Variants in FRMD4B observed in about 807,000 individuals in gnomAD.
FRMD4B encodes FERM domain containing 4B, also known as FERM domain-containing protein 4B.
In FRMD4B, 74 loss-of-function variants were observed where a neutral mutation model predicts 141.5. That is an observed-to-expected ratio of 0.52 (90% confidence interval 0.43 to 0.63). The LOEUF (loss-of-function observed/expected upper bound fraction) is 0.63. Among genes scored for constraint, FRMD4B ranks in the 30% least tolerant of loss-of-function variants. The pLI is 0.00. For missense variants in FRMD4B, 1,366 were observed against 1,253.4 expected (o/e 1.09, Z -1.36); for synonymous variants, 506 against 467.9 (o/e 1.08, Z -1.05).
intron 7 of FRMD4B, among the ~76,000 whole-genome samples, chr3:69,225,740 C>CCCA: frequency 8.4e-6 from 1 of 119,102 alleles, no homozygotes; most frequent in Non-Finnish European, 1.7e-5. Flanking sequence ...AGGGAGAACA[C>CCCA]GTAATACTAC....
intron 1 of FRMD4B, among the ~76,000 whole-genome samples, chr3:69,481,759 T>C (rs981874605): frequency 6.6e-6 from 1 of 152,142 alleles, no homozygotes; most frequent in Non-Finnish European, 1.5e-5. Flanking sequence ...GGGCCCCACA[T>C]TCAAGAATCT....
At chr3:69,477,216 C>T in intron 1 of FRMD4B, among the ~76,000 whole-genome samples, 1 of 152,026 alleles carries the variant, frequency 6.6e-6, no homozygotes, top group Non-Finnish European at 1.5e-5. Context: ...TGCCTGATTT[C>T]TCTGGCCAGA....
At chr3:69,229,292 C>T (rs2093284007) in intron 7 of FRMD4B, among the ~76,000 whole-genome samples, 1 of 152,084 alleles carries the variant, frequency 6.6e-6, no homozygotes, top group Non-Finnish European at 1.5e-5. Flanking sequence ...TCCCAAAGTG[C>T]TAGGATTACA....
At chr3:69,297,950 G>A (rs558557546) in intron 4 of FRMD4B, among the ~76,000 whole-genome samples, 21 of 152,284 alleles carry the variant, frequency 1.4e-4, no homozygotes, top group African/African-American at 5.1e-4. Flanking sequence ...TAATCTTGAA[G>A]TCATAAAGGG....
chr3:69,307,819 A>T (rs1049106473), intron 3 of FRMD4B, among the ~76,000 whole-genome samples: 1 of 152,100 alleles, frequency 6.6e-6, no homozygotes, highest in South Asian at 2.1e-4. Context: ...TGCAAGTCAA[A>T]GCCGCATTCC....
chr3:69,405,834 A>G (rs552907392), intron 2 of FRMD4B, among the ~76,000 whole-genome samples: 2 of 152,310 alleles, frequency 1.3e-5, no homozygotes, highest in South Asian at 4.1e-4. Flanking sequence ...TGAAATTTAA[A>G]TTTAACTTGG....
intron 4 of FRMD4B, among the ~76,000 whole-genome samples, chr3:69,296,190 C>T (rs1701029181): frequency 1.3e-5 from 2 of 152,074 alleles, no homozygotes. Context: ...CACACACAGA[C>T]AGACAAACGC....
chr3:69,202,111 G>A (rs1464837300), intron 11 of FRMD4B, among the ~76,000 whole-genome samples: 1 of 152,092 alleles, frequency 6.6e-6, no homozygotes, highest in Non-Finnish European at 1.5e-5. Flanking sequence ...ACTGAGGCAG[G>A]AGCATCACTT....
At chr3:69,453,596 G>GC (rs1645735326) in intron 1 of FRMD4B, among the ~76,000 whole-genome samples, 1 of 152,184 alleles carries the variant, frequency 6.6e-6, no homozygotes, top group African/African-American at 2.4e-5. Context: ...AGAGTTACAA[G>GC]TTTAAAAAAT....
At chr3:69,430,431 G>T (rs1249427979) in intron 2 of FRMD4B, among the ~76,000 whole-genome samples, 1 of 152,162 alleles carries the variant, frequency 6.6e-6, no homozygotes, top group Non-Finnish European at 1.5e-5. Context: ...CTAACTTTTT[G>T]TAAGACTCCC....
At chr3:69,259,890 CA>C (rs2093515163) in intron 5 of FRMD4B, among the ~76,000 whole-genome samples, 1 of 152,170 alleles carries the variant, frequency 6.6e-6, no homozygotes, top group South Asian at 2.1e-4. Context: ...TTCATGTGCT[CA>C]AGAGATCCTT....
intron 19 of FRMD4B, 30 bp from the exon 20 acceptor site, chr3:69,182,747 A>G (rs747902190): frequency 1.9e-6 from 3 of 1,607,748 alleles, no homozygotes; most frequent in Non-Finnish European, 2.5e-6. Context: ...AATTCAGGAA[A>G]TGATGAGTCT....
At chr3:69,420,653 C>A (rs1204791074) in intron 2 of FRMD4B, among the ~76,000 whole-genome samples, 1 of 152,132 alleles carries the variant, frequency 6.6e-6, no homozygotes, top group Non-Finnish European at 1.5e-5. Context: ...CTTTAGGCAC[C>A]TGAACGGGAC....
intron 1 of FRMD4B, chr3:69,334,550 G>C (rs1702481664): frequency 6.6e-6 from 1 of 151,944 alleles, no homozygotes; most frequent in African/African-American, 2.4e-5. Context: ...GAAACATTTT[G>C]CTTCTTTGCT....
upstream of FRMD4B, chr3:69,386,091 CAGCCGGGGGGTCA>C: frequency 3.6e-6 from 4 of 1,105,574 alleles, no homozygotes; most frequent in Non-Finnish European, 5.0e-6. Context: ...CTTCTGCTGG[CAGCCGGGGGGTCA>C]AGCCTGCCAC....
At chr3:69,249,767 A>G (rs1182151719) in intron 6 of FRMD4B, among the ~76,000 whole-genome samples, 1 of 152,236 alleles carries the variant, frequency 6.6e-6, no homozygotes, top group Non-Finnish European at 1.5e-5. Context: ...CCCAAATTCA[A>G]GTATCCCAGA....
rs567709629 is a variant in FRMD4B at position 69,405,224 on chromosome 3, G to A, written c.-1+27410C>T. On this transcript the variant is annotated intron_variant, in intron 2 of 5. Coordinates refer to the FRMD4B transcript ENST00000459638. ...TTTTCTCTGGTGTGTTCCTTTACAC[G>A]TGTCATTCATTCTGTTGAGTGTGCT... Among the ~76,000 whole-genome samples the A allele has an allele frequency of 1.2e-4, 18 of 152,228 alleles. No homozygotes were observed. In the East Asian group the frequency reaches 2.5e-3, roughly 21 times the overall value.
Position 69,224,631 on chromosome 3 carries a change from T to C in FRMD4B, c.641A>G (p.Gln214Arg). The stretch of plus-strand genomic sequence containing the variant: ...CCAGTAGGCAAGGGATGGATGCTCC[T>C]GAAGAGTTTTGGTTGGAAAGGCTGG... Reference protein sequence around the residue: ...TLPAFPTKTLQEHPSLAYCED... With the variant: ...TLPAFPTKTLREHPSLAYCED... The change falls in exon 8 of 23, where the codon CAG (glutamine) becomes CGG (arginine). Residue 214 changes from glutamine to arginine, a missense_variant. By Grantham distance (43) the Gln-to-Arg change is conservative (BLOSUM62 1). Transcript: ENST00000398540. 6.3e-7 allele frequency: 1 copy of C among 1,581,406 alleles called. No individual in the cohort carries two copies. Among genetic ancestry groups the C allele is most frequent in the Non-Finnish European group, 8.7e-7 (1 of 1,155,266 alleles).
At chr3:69,435,339 G>T (rs1180228400) in intron 1 of FRMD4B, among the ~76,000 whole-genome samples, 5 of 151,550 alleles carry the variant, frequency 3.3e-5, no homozygotes, top group African/African-American at 1.2e-4. Flanking sequence ...GAATCTAAGG[G>T]TTTACTATAG....
Sources: gnomAD v4.1 joint callset for allele counts (sites outside exome capture counted in the v4.1 genomes callset) on GRCh38, gnomAD v4.1.1 for gene constraint, MANE v1.5 for transcripts, NCBI Gene and HGNC (gene_info 2026-07-23, HGNC 2026-07-21) for gene names.